EPB41L4B: variants seen among roughly 807,000 people sequenced by gnomAD.
The protein encoded by EPB41L4B is erythrocyte membrane protein band 4.1 like 4B.
EPB41L4B carries 30 observed loss-of-function variants against 112.5 expected under a neutral mutation model. The observed-to-expected ratio is 0.27, with a 90% CI of 0.20 to 0.36. EPB41L4B has a LOEUF of 0.36. EPB41L4B is among the 10% of genes least tolerant of loss of function. The probability of loss-of-function intolerance (pLI) is 1.00; values close to 1 mark genes in which losing one functional copy is unlikely to be tolerated. For synonymous variants in EPB41L4B, 408 were observed against 439.7 expected (o/e 0.93, Z 0.90); for missense variants, 1,024 against 1,133.3 (o/e 0.90, Z 1.38).
At position 109,216,893 on chromosome 9, in the gene EPB41L4B, C is replaced by A. The variant is rs377183563; in HGVS notation, c.1633+29G>T. 7.5e-5 allele frequency: 121 copies of A among 1,607,988 alleles called. No individual in the cohort carries two copies. In the African/African-American group the frequency reaches 1.4e-3, roughly 18 times the overall value. ...GCCCTGCAGCATTGCTCCCCCTTCT[C>A]CTGCCTTGCCCCCTCCACCCCTACT... On this transcript the variant is annotated intron_variant, in intron 16 of 25. Coordinates refer to ENST00000374566, the MANE Select transcript of EPB41L4B (RefSeq NM_019114.5).
chr9:109,200,781 TA>T (rs112135762), intron 19 of EPB41L4B, among the ~76,000 whole-genome samples: 3,473 of 150,998 alleles, frequency 0.023, 144 homozygotes, highest in African/African-American at 0.08. Flanking sequence ...ATTTTTTTTT[TA>T]AAAAAAGATA....
At chr9:109,219,500 A>G (rs1309104347) in intron 15 of EPB41L4B, among the ~76,000 whole-genome samples, 1 of 152,122 alleles carries the variant, frequency 6.6e-6, no homozygotes. Context: ...AGCTGGGACT[A>G]CATGCACCTG....
At position 109,320,333 on chromosome 9, in the gene EPB41L4B, C is replaced by A. The variant is rs923914843; in HGVS notation, c.114G>T (p.Arg38=). 19 of 988,982 alleles carry A rather than the reference C, an allele frequency of 1.9e-5. No individual in the cohort carries two copies. The highest frequency in any genetic ancestry group is 2.0e-5 in the Non-Finnish European group (17 of 833,586). The allele number at this position is 988,982 out of a possible 1,614,324, so 61.3% of individuals were successfully genotyped here. The stretch of plus-strand genomic sequence containing the variant: ...AGGAGGCGGCGGCGGCCGGGCCCCC[C>A]CGTGGCCCCCCATCGCGCTCGTCCC... ...GLGDERDGGP[R]GGPAAAASSS... The change falls in exon 1 of 26, where the codon CGG becomes CGT. Residue 38 remains arginine, a synonymous_variant. Coordinates refer to ENST00000374566, the MANE Select transcript of EPB41L4B (RefSeq NM_019114.5).
chr9:109,296,447 G>A (rs1273948546), intron 1 of EPB41L4B, among the ~76,000 whole-genome samples: 1 of 152,196 alleles, frequency 6.6e-6, no homozygotes, highest in Non-Finnish European at 1.5e-5. Context: ...TAAGTTTGAT[G>A]TCCAGTAAAT....
At chr9:109,278,667 C>T (rs373226451) in intron 2 of EPB41L4B, among the ~76,000 whole-genome samples, 1 of 152,106 alleles carries the variant, frequency 6.6e-6, no homozygotes, top group African/African-American at 2.4e-5. Context: ...TAGTGCTTCC[C>T]CTCCCCCCAG....
chr9:109,282,580 A>G (rs1199007342), intron 1 of EPB41L4B, among the ~76,000 whole-genome samples: 1 of 152,228 alleles, frequency 6.6e-6, no homozygotes, highest in Non-Finnish European at 1.5e-5. Context: ...GGAGACAACC[A>G]GACATTACGT....
chr9:109,226,712 AAT>A (rs1207588886), intron 15 of EPB41L4B, among the ~76,000 whole-genome samples: 2 of 137,632 alleles, frequency 1.5e-5, no homozygotes, highest in African/African-American at 2.6e-5. Flanking sequence ...ATATATGAAG[AAT>A]ATATATATGA....
chr9:109,248,428 A>C (rs1017089966), intron 13 of EPB41L4B, among the ~76,000 whole-genome samples: 5 of 152,332 alleles, frequency 3.3e-5, no homozygotes, highest in Middle Eastern at 3.4e-3. Context: ...CAGATAAAGG[A>C]ACAGTTGCCT....
At chr9:109,244,378 AGAAGG>A (rs1280415587) in intron 14 of EPB41L4B, among the ~76,000 whole-genome samples, 1 of 150,872 alleles carries the variant, frequency 6.6e-6, no homozygotes, top group African/African-American at 2.4e-5. Flanking sequence ...AGAAAGAAAA[AGAAGG>A]GAAGGGAAGG....
At chr9:109,318,206 T>C (rs1480467844) in intron 1 of EPB41L4B, among the ~76,000 whole-genome samples, 1 of 151,874 alleles carries the variant, frequency 6.6e-6, no homozygotes, top group Non-Finnish European at 1.5e-5. Flanking sequence ...CAATGTGGGC[T>C]TCACTAAGTC....
At chr9:109,229,895 A>C (rs1833899607) in intron 15 of EPB41L4B, among the ~76,000 whole-genome samples, 1 of 152,144 alleles carries the variant, frequency 6.6e-6, no homozygotes, top group African/African-American at 2.4e-5. Context: ...GCCAAGGACA[A>C]GAAAAAGTCA....
At chr9:109,229,253 A>G (rs1833877914) in intron 15 of EPB41L4B, among the ~76,000 whole-genome samples, 1 of 152,180 alleles carries the variant, frequency 6.6e-6, no homozygotes, top group African/African-American at 2.4e-5. Flanking sequence ...TACAACAGTA[A>G]TAACTGCAGG....
intron 19 of EPB41L4B, among the ~76,000 whole-genome samples, chr9:109,201,658 G>A (rs1220503594): frequency 3.9e-5 from 6 of 152,238 alleles, no homozygotes; most frequent in Admixed American, 3.3e-4. Flanking sequence ...AAAGCTACGT[G>A]GAGGAGTTTC....
chr9:109,318,334 C>T (rs1020552121), intron 1 of EPB41L4B, among the ~76,000 whole-genome samples: 1 of 152,130 alleles, frequency 6.6e-6, no homozygotes, highest in African/African-American at 2.4e-5. Context: ...TATCCCCTTC[C>T]CCCACCAGGC....
At chr9:109,283,722 C>T (rs1487018606) in intron 1 of EPB41L4B, among the ~76,000 whole-genome samples, 3 of 152,002 alleles carry the variant, frequency 2.0e-5, no homozygotes, top group Admixed American at 2.0e-4. Flanking sequence ...AGGAAATTTG[C>T]TAAAATGAAA....
chr9:109,180,102 G>A (rs150771194), intron 24 of EPB41L4B, among the ~76,000 whole-genome samples: 17 of 152,192 alleles, frequency 1.1e-4, no homozygotes, highest in African/African-American at 4.1e-4. Context: ...CTCTCACCCA[G>A]CCCTGCTTGC....
chr9:109,262,746 C>T (rs72746909), intron 6 of EPB41L4B, among the ~76,000 whole-genome samples: 8,597 of 152,296 alleles, frequency 0.056, 339 homozygotes, highest in Non-Finnish European at 0.091. Flanking sequence ...TAGCATCACT[C>T]AACTGCTGCT....
chr9:109,286,378 G>A (rs1384969419), intron 1 of EPB41L4B, among the ~76,000 whole-genome samples: 1 of 152,118 alleles, frequency 6.6e-6, no homozygotes, highest in Non-Finnish European at 1.5e-5. Flanking sequence ...CTAAAAAAGA[G>A]GATACACTCA....
intron 20 of EPB41L4B, among the ~76,000 whole-genome samples, chr9:109,195,107 C>T (rs1005983811): frequency 1.3e-5 from 2 of 152,200 alleles, no homozygotes; most frequent in African/African-American, 4.8e-5. Flanking sequence ...CATGGGTGTA[C>T]AAACATCTGT....
Sources: allele counts gnomAD v4.1 joint callset (sites outside exome capture counted in the v4.1 genomes callset), GRCh38; gene constraint gnomAD v4.1.1; transcripts MANE v1.5; gene names NCBI Gene and HGNC (gene_info 2026-07-23, HGNC 2026-07-21).